The following TFEC variants were observed in gnomAD, a reference collection of about 807,000 sequenced individuals.
TFEC encodes transcription factor EC.
TFEC carries 31 observed loss-of-function variants against 41.6 expected under a neutral mutation model. The ratio of observed to expected loss-of-function variants is 0.74; its 90% CI spans 0.56 to 1.01. The LOEUF (loss-of-function observed/expected upper bound fraction) is 1.01. TFEC is among the 50% of genes least tolerant of loss of function. TFEC has a pLI of 0.00. For missense variants in TFEC, 402 were observed against 404.1 expected, an observed-to-expected ratio of 0.99 and a Z score of 0.04; for synonymous variants, 143 against 140.6, an observed-to-expected ratio of 1.02 and a Z score of -0.12.
At chr7:115,983,891 A>C (rs1793735224) in intron 2 of TFEC, among the ~76,000 whole-genome samples, 1 of 152,122 alleles carries the variant, frequency 6.6e-6, no homozygotes, top group South Asian at 2.1e-4. Flanking sequence ...CTGCTATTTA[A>C]GTAATTTCTG....
intron 1 of TFEC, among the ~76,000 whole-genome samples, chr7:116,129,943 TC>T (rs1798297749): frequency 1.3e-5 from 2 of 151,918 alleles, no homozygotes; most frequent in South Asian, 4.2e-4. Context: ...ACCATAAACT[TC>T]CAGTGGCTCT....
chr7:116,058,521 G>A (rs1299672305), intron 3 of TFEC, among the ~76,000 whole-genome samples: 1 of 151,500 alleles, frequency 6.6e-6, no homozygotes, highest in Non-Finnish European at 1.5e-5. Flanking sequence ...TAGAAGACTT[G>A]AGCAACATTA....
At chr7:116,113,771 T>C (rs1369850369) in intron 1 of TFEC, among the ~76,000 whole-genome samples, 1 of 152,034 alleles carries the variant, frequency 6.6e-6, no homozygotes, top group Non-Finnish European at 1.5e-5. Flanking sequence ...AGCTGATTAA[T>C]AATTCAACAT....
At chr7:116,033,639 G>C (rs1795839733), upstream of TFEC, among the ~76,000 whole-genome samples, 1 of 151,836 alleles carries the variant, frequency 6.6e-6, no homozygotes, top group Admixed American at 6.6e-5. Flanking sequence ...GCAGAGAATA[G>C]CTCTCTCCAT....
intron 1 of TFEC, among the ~76,000 whole-genome samples, chr7:116,009,836 AAG>A (rs1794933863): frequency 6.6e-6 from 1 of 152,156 alleles, no homozygotes; most frequent in African/African-American, 2.4e-5. Context: ...GGGCAGGTGG[AAG>A]AGACAGATTT....
chr7:116,087,167 A>T (rs1329194143), intron 3 of TFEC, among the ~76,000 whole-genome samples: 1 of 152,010 alleles, frequency 6.6e-6, no homozygotes, highest in Non-Finnish European at 1.5e-5. Flanking sequence ...CCTAAATGCC[A>T]CACCCTGGGA....
chr7:115,940,475 T>C lies in TFEC; in HGVS notation c.*76A>G. The C allele has an allele frequency of 6.9e-6, 10 of 1,454,938 alleles. No homozygotes were observed. Among genetic ancestry groups the C allele is most frequent in the Non-Finnish European group, 9.2e-6 (10 of 1,090,256 alleles). 90.1% of individuals were successfully genotyped at this position (1,454,938 alleles called of 1,614,324 possible). A position where few individuals can be genotyped will look rare whatever the true frequency, so the allele number is the denominator to read the frequency against. On this transcript the variant is annotated 3_prime_UTR_variant, in exon 8 of 8. Coordinates refer to ENST00000265440, the MANE Select transcript of TFEC (RefSeq NM_012252.4). ...AGAAAAAAAATAAGCCAAAGCAACA[T>C]ATGAAACACAGAGCATAATTGCATA...
chr7:116,018,453 A>G (rs1382819528), intron 1 of TFEC, among the ~76,000 whole-genome samples: 1 of 152,180 alleles, frequency 6.6e-6, no homozygotes, highest in African/African-American at 2.4e-5. Flanking sequence ...ACAGGCTAAC[A>G]TGTTATTGGA....
intron 6 of TFEC, among the ~76,000 whole-genome samples, chr7:115,942,377 A>C (rs898265313): frequency 2.0e-5 from 3 of 152,046 alleles, no homozygotes; most frequent in African/African-American, 7.2e-5. Flanking sequence ...TATGTGCAGT[A>C]TTTCTGCATT....
intron 3 of TFEC, among the ~76,000 whole-genome samples, chr7:116,049,652 C>T (rs1796260437): frequency 6.6e-6 from 1 of 152,208 alleles, no homozygotes; most frequent in Admixed American, 6.5e-5. Flanking sequence ...ACAGAACTCT[C>T]CACCACAAAT....
chr7:115,954,508 G>A, intron 5 of TFEC, 78 bp downstream of exon 5: 1 of 1,185,892 alleles, frequency 8.4e-7, no homozygotes, highest in Non-Finnish European at 1.2e-6. Flanking sequence ...TACTTATGGA[G>A]TATAATAAAA....
At chr7:116,147,006 T>C (rs1016656756) in intron 1 of TFEC, among the ~76,000 whole-genome samples, 3 of 152,304 alleles carry the variant, frequency 2.0e-5, no homozygotes, top group Admixed American at 6.5e-5. Flanking sequence ...TAGCCAAAGA[T>C]GAAGACAAAT....
At chr7:115,978,902 T>C (rs556414332) in intron 2 of TFEC, among the ~76,000 whole-genome samples, 1 of 152,168 alleles carries the variant, frequency 6.6e-6, no homozygotes, top group Non-Finnish European at 1.5e-5. Context: ...TCTTTAGCTA[T>C]CACTCTCCTC....
At chr7:116,052,740 T>C (rs1796341389) in intron 3 of TFEC, among the ~76,000 whole-genome samples, 3 of 150,978 alleles carry the variant, frequency 2.0e-5, no homozygotes, top group African/African-American at 7.3e-5. Context: ...TCTAAGTATT[T>C]AACAGAGTGT....
intron 1 of TFEC, among the ~76,000 whole-genome samples, chr7:116,132,190 G>T (rs969168759): frequency 6.6e-6 from 1 of 152,116 alleles, no homozygotes; most frequent in Non-Finnish European, 1.5e-5. Context: ...CATAAAGTTG[G>T]CCTATAAGTC....
intron 1 of TFEC, among the ~76,000 whole-genome samples, chr7:116,005,510 G>A (rs1353172681): frequency 6.6e-6 from 1 of 152,208 alleles, no homozygotes; most frequent in Non-Finnish European, 1.5e-5. Context: ...GAACTTGAAA[G>A]AGATGACTTA....
At chr7:115,988,749 A>G (rs1030139381) in intron 1 of TFEC, among the ~76,000 whole-genome samples, 1 of 152,078 alleles carries the variant, frequency 6.6e-6, no homozygotes, top group Non-Finnish European at 1.5e-5. Context: ...AAGCAGAACA[A>G]ATGCCAAATG....
chr7:115,997,065 G>A lies in TFEC; in HGVS notation c.-72-12552C>T, dbSNP rs114102195. Among the ~76,000 whole-genome samples the A allele has an allele frequency of 7.7e-3, 1,175 of 152,232 alleles. 25 individuals are homozygous for A. Among genetic ancestry groups the A allele is most frequent in the African/African-American group, 0.027 (1,119 of 41,544 alleles). ...TGACTTTACTACCTGCTGATTGTAG[G>A]GCATTAGGCCCTTGAGAGAAACATA... On this transcript the variant is annotated intron_variant, in intron 1 of 7. Transcript: ENST00000265440.
chr7:116,156,358 T>C (rs1167283914), intron 1 of TFEC, among the ~76,000 whole-genome samples: 1 of 152,228 alleles, frequency 6.6e-6, no homozygotes, highest in Non-Finnish European at 1.5e-5. Context: ...ATCATGGGTG[T>C]CAAATAGATT....
Sources: allele counts gnomAD v4.1 joint callset (sites outside exome capture counted in the v4.1 genomes callset), GRCh38; gene constraint gnomAD v4.1.1; transcripts MANE v1.5; gene names NCBI Gene and HGNC (gene_info 2026-07-23, HGNC 2026-07-21).